The following GABRP variants were observed in gnomAD, a reference collection of about 807,000 sequenced individuals.
GABRP encodes gamma-aminobutyric acid type A receptor subunit pi.
A neutral mutation model predicts 47.8 loss-of-function variants in GABRP; 52 were observed. The ratio of observed to expected loss-of-function variants is 1.09; its 90% CI spans 0.87 to 1.37. The LOEUF (loss-of-function observed/expected upper bound fraction) is 1.37, where lower values mean the gene tolerates loss of function less well. Among genes scored for constraint, GABRP ranks in the 40% most tolerant of loss-of-function variants. The pLI, the probability that GABRP is intolerant of heterozygous loss-of-function variation, is 0.00. For synonymous variants in GABRP, 221 were observed against 205.8 expected (o/e 1.07, Z -0.63); for missense variants, 525 against 542.8 (o/e 0.97, Z 0.33).
chr5:170,794,223 T>A lies in GABRP; in HGVS notation c.173-8T>A, dbSNP rs770251812. 2.4e-5 allele frequency: 39 copies of A among 1,598,870 alleles called. No individual in the cohort carries two copies. The highest frequency in any genetic ancestry group is 1.7e-4 in the Middle Eastern group (1 of 6,030). On this transcript the variant is annotated splice_polypyrimidine_tract_variant and splice_region_variant and intron_variant, in intron 3 of 9. Coordinates refer to ENST00000265294, the MANE Select transcript of GABRP (RefSeq NM_014211.3). The stretch of plus-strand genomic sequence containing the variant: ...GTTTCCATTCTTTCTTGTTTTTTTT[T>A]ATCTTAGGAGAACCCGTACAGATAG...
intron 5 of GABRP, 110 bp from the exon 6 acceptor site, chr5:170,797,356 G>A (rs1215135156): frequency 9.7e-6 from 7 of 719,842 alleles, no homozygotes. Flanking sequence ...CAAGCTACAT[G>A]TTCATTTAAG....
rs779381001 is a variant in GABRP, at chr5:170,808,682, T to C, written c.762T>C (p.Thr254=). The C allele has an allele frequency of 1.2e-5, 20 of 1,614,044 alleles. No homozygotes were observed. Among genetic ancestry groups the C allele is most frequent in the Non-Finnish European group, 1.6e-5 (19 of 1,179,980 alleles). The change falls in exon 8 of 10, where the codon ACT becomes ACC. Residue 254 remains threonine (T), a synonymous_variant. Coordinates refer to ENST00000265294, the MANE Select transcript of GABRP (RefSeq NM_014211.3). ...TTTTGGAAACCTACGTTCCTTCCAC[T>C]TTCCTGGTGGTGTTGTCCTGGGTTT... is the stretch of plus-strand genomic sequence containing the variant. ...YFILETYVPS[T]FLVVLSWVSF...
intron 6 of GABRP, among the ~76,000 whole-genome samples, chr5:170,803,968 A>C (rs1486409732): frequency 6.6e-6 from 1 of 152,050 alleles, no homozygotes; most frequent in African/African-American, 2.4e-5. Context: ...GGGTTTCACC[A>C]TGTTGGCCAG....
In GABRP at chr5:170,799,752, G is replaced by A. The variant is rs568963007; in HGVS notation, c.541+2204G>A. On this transcript the variant is annotated intron_variant, in intron 6 of 9. Coordinates refer to ENST00000265294, the MANE Select transcript of GABRP (RefSeq NM_014211.3). The stretch of plus-strand genomic sequence containing the variant: ...AGGTTGCCTGTTCACTCTGATTGTA[G>A]TTTCTTTTGCTGTGCAGAAGCTCTT... 2.6e-5 allele frequency among the ~76,000 whole-genome samples: 4 copies of A among 152,210 alleles called. No individual in the cohort carries two copies. The East Asian group carries it at 7.7e-4, about 29-fold the overall frequency.
chr5:170,804,973 T>C (rs943195474), intron 6 of GABRP, among the ~76,000 whole-genome samples: 1 of 97,702 alleles, frequency 1.0e-5, no homozygotes, highest in African/African-American at 7.8e-5. Context: ...TACGTTTATA[T>C]ATTATATATT....
chr5:170,797,338 G>A, intron 5 of GABRP, 128 bp from the exon 6 acceptor site: 2 of 664,216 alleles, frequency 3.0e-6, no homozygotes, highest in African/African-American at 1.8e-5. Flanking sequence ...TGCTTTACAT[G>A]CAGACTCCAA....
At chr5:170,793,252 T>A (rs1325694152) in intron 3 of GABRP, among the ~76,000 whole-genome samples, 1 of 152,204 alleles carries the variant, frequency 6.6e-6, no homozygotes, top group African/African-American at 2.4e-5. Context: ...AAAGATTTAA[T>A]AACTTTTCCC....
At chr5:170,786,058 A>G (rs1470982415) in intron 1 of GABRP, among the ~76,000 whole-genome samples, 4 of 152,216 alleles carry the variant, frequency 2.6e-5, no homozygotes, top group Admixed American at 2.6e-4. Flanking sequence ...GCTGTAGGGA[A>G]TGTTCATTCA....
chr5:170,812,736 G>T lies in GABRP; in HGVS notation c.*478G>T, dbSNP rs1162193169. The stretch of plus-strand genomic sequence containing the variant: ...TCTAGTTTTTGTTTCTGGTTAAAAT[G>T]AAATATGGGCTTATGTCAATTCATT... On this transcript the variant is annotated 3_prime_UTR_variant, in exon 10 of 10. Coordinates refer to ENST00000265294, the MANE Select transcript of GABRP (RefSeq NM_014211.3). 1 of 155,674 alleles carries T rather than the reference G, an allele frequency of 6.4e-6. No individual in the cohort carries two copies. The highest frequency in any genetic ancestry group is 2.4e-5 in the African/African-American group (1 of 41,442). The allele number at this position is 155,674 out of a possible 1,614,324, so 9.6% of individuals were successfully genotyped here.
At chr5:170,806,348 G>C (rs1362579542) in intron 7 of GABRP, among the ~76,000 whole-genome samples, 1 of 152,178 alleles carries the variant, frequency 6.6e-6, no homozygotes, top group African/African-American at 2.4e-5. Context: ...GGAAAGATGT[G>C]ATGTTATATA....
intron 3 of GABRP, among the ~76,000 whole-genome samples, chr5:170,791,758 C>T (rs1028614690): frequency 2.6e-5 from 4 of 152,214 alleles, no homozygotes; most frequent in African/African-American, 7.2e-5. Flanking sequence ...ATGCCGTAAC[C>T]GTGCCAACCC....
rs935055837 is a variant in GABRP at position 170,813,995 on chromosome 5, T to G, written c.*1737T>G. 1 of 152,152 alleles carries G rather than the reference T, an allele frequency of 6.6e-6. No homozygotes were observed. The highest frequency in any genetic ancestry group is 1.5e-5 in the Non-Finnish European group (1 of 68,028). 9.4% of individuals were successfully genotyped at this position (152,152 alleles called of 1,614,324 possible). A position where few individuals can be genotyped will look rare whatever the true frequency, so the allele number is the denominator to read the frequency against. On this transcript the variant is annotated 3_prime_UTR_variant, in exon 10 of 10. Coordinates refer to ENST00000265294, the MANE Select transcript of GABRP (RefSeq NM_014211.3). ...AAGCATTGTTTTTATATAAAAACAA[T>G]GATAAAGATGTGAAACTGTGAAATA...
rs1375801483 is a variant in GABRP at position 170,809,748 on chromosome 5, A to G, written c.1013A>G (p.Lys338Arg). 3.1e-6 allele frequency: 5 copies of G among 1,588,826 alleles called. No homozygotes were observed. In the Admixed American group the frequency reaches 6.9e-5, roughly 22 times the overall value. The change falls in exon 9 of 10, where the codon AAA (lysine) becomes AGA (arginine). Residue 338 changes from lysine to arginine, a missense_variant. Physicochemically the swap from Lys to Arg is conservative, Grantham distance 26. Coordinates refer to ENST00000265294, the MANE Select transcript of GABRP (RefSeq NM_014211.3). Reference protein sequence around the residue: ...HYSSLQQMAAKDRGTTKEVEE... With the variant: ...HYSSLQQMAARDRGTTKEVEE... ...AGTTCCTTACAGCAGATGGCAGCCA[A>G]AGATAGGGTAAGAGTCTTGAGGGCC...
intron 6 of GABRP, among the ~76,000 whole-genome samples, chr5:170,798,782 A>AT (rs573397984): frequency 0.038 from 5,350 of 140,756 alleles, 301 homozygotes; most frequent in African/African-American, 0.16. Context: ...TTCTTTTTTC[A>AT]TTTTTTTTGT....
At chr5:170,801,047 C>A (rs1337694168) in intron 6 of GABRP, among the ~76,000 whole-genome samples, 1 of 152,198 alleles carries the variant, frequency 6.6e-6, no homozygotes, top group East Asian at 1.9e-4. Flanking sequence ...ATACTAGACA[C>A]CTTGCAAACA....
At chr5:170,805,612 T>C in intron 6 of GABRP, 104 bp from the exon 7 acceptor site, 1 of 1,299,108 alleles carries the variant, frequency 7.7e-7, no homozygotes, top group Non-Finnish European at 1.1e-6. Context: ...CTTATCACTA[T>C]GAAGAAAGAA....
Position 170,805,851 on chromosome 5 carries a change from C to T in GABRP, c.677C>T (p.Thr226Ile). ...TTAGTCACCAGATCGCAGCAGGAGA[C>T]AGGTAACTCATGTGACAAACTGTAT... ...FTLVTRSQQETGNYTRLVLQF... is the reference protein window; with the variant it reads ...FTLVTRSQQEIGNYTRLVLQF... Residue 226 changes from threonine (T) to isoleucine (I), a missense_variant and splice_region_variant, in exon 7 of 10, where the codon ACA becomes ATA. Transcript: ENST00000265294. 1 of 1,613,720 alleles carries T rather than the reference C, an allele frequency of 6.2e-7. No homozygotes were observed.
intron 6 of GABRP, among the ~76,000 whole-genome samples, chr5:170,804,643 A>G (rs1765681827): frequency 1.3e-5 from 2 of 152,144 alleles, no homozygotes; most frequent in Admixed American, 6.6e-5. Flanking sequence ...TGAACCATTC[A>G]TGTATCTTCT....
At position 170,805,840 on chromosome 5, in the gene GABRP, G is replaced by A. The variant is rs763917484; in HGVS notation, c.666G>A (p.Ser222=). 16 of 1,613,898 alleles carry A rather than the reference G, an allele frequency of 9.9e-6. 1 individual carries two copies. The highest frequency in any genetic ancestry group is 8.8e-5 in the South Asian group (8 of 91,064). ...IERYFTLVTR[S]QQETGNYTRL... ...GGTATTTCACCTTAGTCACCAGATC[G>A]CAGCAGGAGACAGGTAACTCATGTG... The change falls in exon 7 of 10, where the codon TCG becomes TCA. Residue 222 remains serine (S), a synonymous_variant. Transcript: ENST00000265294.
Sources: allele counts gnomAD v4.1 joint callset (sites outside exome capture counted in the v4.1 genomes callset), GRCh38; gene constraint gnomAD v4.1.1; transcripts MANE v1.5; gene names NCBI Gene and HGNC (gene_info 2026-07-23, HGNC 2026-07-21).